The following GALNT17 variants were observed in gnomAD, a reference collection of about 807,000 sequenced individuals.
The protein encoded by GALNT17 is polypeptide N-acetylgalactosaminyltransferase 17, also known as UDP-GalNAc:polypeptide N-acetylgalactosaminyltransferase-like 3.
A neutral mutation model predicts 63.7 loss-of-function variants in GALNT17; 29 were observed. The ratio of observed to expected loss-of-function variants is 0.46; its 90% confidence interval spans 0.34 to 0.62. The LOEUF (loss-of-function observed/expected upper bound fraction) is 0.62. Ranked by LOEUF, GALNT17 falls within the 20% of genes least tolerant of loss-of-function variation. The pLI, the probability that GALNT17 is intolerant of heterozygous loss-of-function variation, is 0.01. For missense variants in GALNT17, 603 were observed against 799.6 expected (o/e 0.75, Z 2.97); for synonymous variants, 305 against 318.3 (o/e 0.96, Z 0.45).
intron 5 of GALNT17, among the ~76,000 whole-genome samples, chr7:71,436,634 G>C (rs1786968565): frequency 6.6e-6 from 1 of 151,858 alleles, no homozygotes; most frequent in Non-Finnish European, 1.5e-5. Context: ...CAGGAGAATG[G>C]TGTGAACCCG....
At chr7:71,511,912 G>A (rs1339863076) in intron 5 of GALNT17, among the ~76,000 whole-genome samples, 2 of 151,914 alleles carry the variant, frequency 1.3e-5, no homozygotes, top group Admixed American at 6.6e-5. Flanking sequence ...AGTACTCTTA[G>A]GACACATGTC....
intron 5 of GALNT17, among the ~76,000 whole-genome samples, chr7:71,552,010 TTTTATTTATTTA>T (rs202005508): frequency 0.045 from 5,732 of 128,144 alleles, 198 homozygotes; most frequent in African/African-American, 0.098. Flanking sequence ...AGGTTGCTCT[TTTTATTTATTTA>T]TTTATTTATT....
At chr7:71,242,339 A>T (rs1790014193) in intron 1 of GALNT17, among the ~76,000 whole-genome samples, 1 of 136,172 alleles carries the variant, frequency 7.3e-6, no homozygotes, top group African/African-American at 2.8e-5. Flanking sequence ...GCGCCATCTC[A>T]GCTCACTGCA....
At chr7:71,513,142 A>G (rs1788388168) in intron 5 of GALNT17, among the ~76,000 whole-genome samples, 1 of 152,188 alleles carries the variant, frequency 6.6e-6, no homozygotes, top group African/African-American at 2.4e-5. Context: ...GCCGTTCCCT[A>G]GGAGTCAAGG....
intron 1 of GALNT17, among the ~76,000 whole-genome samples, chr7:71,195,853 C>T (rs914078791): frequency 1.3e-5 from 2 of 151,908 alleles, no homozygotes; most frequent in Non-Finnish European, 2.9e-5. Context: ...ATCATCTTAA[C>T]CATTATTTCA....
At chr7:71,421,233 C>A (rs576659383) in intron 5 of GALNT17, 128 bp downstream of exon 5, 1 of 951,548 alleles carries the variant, frequency 1.1e-6, no homozygotes, top group Non-Finnish European at 1.5e-6. Context: ...CTCCAGGAGC[C>A]GCCGTTGTCT....
At chr7:71,535,625 C>A (rs1279577863) in intron 5 of GALNT17, among the ~76,000 whole-genome samples, 1 of 152,160 alleles carries the variant, frequency 6.6e-6, no homozygotes, top group Non-Finnish European at 1.5e-5. Flanking sequence ...AGCAATAAGT[C>A]AACTCACAAT....
At chr7:71,612,621 C>T (rs1790141715) in intron 6 of GALNT17, among the ~76,000 whole-genome samples, 1 of 152,114 alleles carries the variant, frequency 6.6e-6, no homozygotes. Flanking sequence ...GAACCTGAAG[C>T]GATGGGTTTC....
Position 71,586,713 on chromosome 7 carries a change from G to A in GALNT17, c.1080+15311G>A, listed in dbSNP as rs562299466. On this transcript the variant is annotated intron_variant, in intron 6 of 10. Coordinates refer to ENST00000333538, the MANE Select transcript of GALNT17 (RefSeq NM_022479.3). ...TTTTAATTGCATGGCACACTGAAAG[G>A]ATTCTTTTATTTATTTATTTTTATT... 1.6e-4 allele frequency among the ~76,000 whole-genome samples: 24 copies of A among 151,404 alleles called. No homozygotes were observed. The South Asian group carries it at 4.8e-3, about 30-fold the overall frequency.
intron 5 of GALNT17, among the ~76,000 whole-genome samples, chr7:71,562,897 C>G (rs186126182): frequency 1.3e-5 from 2 of 152,228 alleles, no homozygotes; most frequent in East Asian, 3.9e-4. Context: ...TAGTGAGCCA[C>G]TGAAGGCTTT....
At chr7:71,614,375 A>G (rs1340337340) in intron 6 of GALNT17, among the ~76,000 whole-genome samples, 1 of 152,176 alleles carries the variant, frequency 6.6e-6, no homozygotes, top group African/African-American at 2.4e-5. Flanking sequence ...ATACAGTGCA[A>G]ATATCCCCAA....
intron 6 of GALNT17, among the ~76,000 whole-genome samples, chr7:71,586,514 G>T (rs542309291): frequency 6.6e-5 from 10 of 152,226 alleles, no homozygotes; most frequent in Admixed American, 5.9e-4. Flanking sequence ...TTTAGATTTC[G>T]CTTGGGTAGA....
chr7:71,441,319 G>A (rs2116518460), intron 5 of GALNT17, among the ~76,000 whole-genome samples: 1 of 152,138 alleles, frequency 6.6e-6, no homozygotes, highest in Admixed American at 6.5e-5. Context: ...TCAATCATGA[G>A]TACCGATATC....
chr7:71,243,496 T>C (rs1440746425), intron 1 of GALNT17, among the ~76,000 whole-genome samples: 1 of 152,198 alleles, frequency 6.6e-6, no homozygotes, highest in Admixed American at 6.5e-5. Context: ...TTAATTCTAC[T>C]AAAGGTTTCT....
At position 71,225,436 on chromosome 7, in the gene GALNT17, G is replaced by A. The variant is rs1037183254; in HGVS notation, c.238+92396G>A. On this transcript the variant is annotated intron_variant, in intron 1 of 10. Coordinates refer to ENST00000333538, the MANE Select transcript of GALNT17 (RefSeq NM_022479.3). The stretch of plus-strand genomic sequence containing the variant: ...CTTTCTGCTGCATAATGGCGGCAGC[G>A]ATTACATTGCACGTTGCTTCTTTGA... 3.9e-5 allele frequency among the ~76,000 whole-genome samples: 6 copies of A among 152,184 alleles called. No homozygotes were observed. In the East Asian group the frequency reaches 9.6e-4, roughly 24 times the overall value.
At chr7:71,150,330 A>AT (rs551308679) in intron 1 of GALNT17, among the ~76,000 whole-genome samples, 24 of 149,838 alleles carry the variant, frequency 1.6e-4, no homozygotes, top group African/African-American at 2.4e-4. Flanking sequence ...TCACCAGGGA[A>AT]TTTTTTTTTT....
intron 5 of GALNT17, among the ~76,000 whole-genome samples, chr7:71,512,936 A>T (rs1482726480): frequency 1.3e-5 from 2 of 152,222 alleles, no homozygotes; most frequent in Admixed American, 1.3e-4. Flanking sequence ...TTTTTTGAGC[A>T]CTGAAATTTC....
chr7:71,452,344 G>C (rs769127374), intron 5 of GALNT17, among the ~76,000 whole-genome samples: 1 of 152,078 alleles, frequency 6.6e-6, no homozygotes, highest in Non-Finnish European at 1.5e-5. Context: ...TCAGGAGTCC[G>C]AGACCAGCAT....
intron 1 of GALNT17, among the ~76,000 whole-genome samples, chr7:71,258,581 A>G (rs957401423): frequency 5.8e-4 from 89 of 152,246 alleles, no homozygotes; most frequent in African/African-American, 2.0e-3. Context: ...AAAACTGCAA[A>G]TAAACACAGT....
Sources: gnomAD v4.1 joint callset for allele counts (sites outside exome capture counted in the v4.1 genomes callset) on GRCh38, gnomAD v4.1.1 for gene constraint, MANE v1.5 for transcripts, NCBI Gene and HGNC (gene_info 2026-07-23, HGNC 2026-07-21) for gene names.